The following SPIRE1 variants were observed in gnomAD, a reference collection of about 807,000 sequenced individuals.
The protein encoded by SPIRE1 is spire type actin nucleation factor 1.
A neutral mutation model predicts 94.1 loss-of-function variants in SPIRE1; 40 were observed. The ratio of observed to expected loss-of-function variants is 0.43; its 90% CI spans 0.33 to 0.55. The LOEUF is 0.55. Ranked by LOEUF, SPIRE1 falls within the 20% of genes least tolerant of loss-of-function variation. The pLI is 0.06. For missense variants in SPIRE1, 838 were observed against 975.2 expected (o/e 0.86, Z 1.87); for synonymous variants, 376 against 371.7 (o/e 1.01, Z -0.13).
intron 3 of SPIRE1, among the ~76,000 whole-genome samples, chr18:12,539,716 G>C (rs2034958078): frequency 6.6e-6 from 1 of 151,780 alleles, no homozygotes; most frequent in African/African-American, 2.4e-5. Context: ...CCTGAGGTCA[G>C]GAGTTTGAGA....
chr18:12,601,711 A>G (rs2036839431), intron 2 of SPIRE1, among the ~76,000 whole-genome samples: 2 of 152,160 alleles, frequency 1.3e-5, no homozygotes, highest in African/African-American at 2.4e-5. Flanking sequence ...GACATTTTAT[A>G]TAAATGAAAT....
intron 2 of SPIRE1, among the ~76,000 whole-genome samples, chr18:12,570,841 C>T (rs2035944251): frequency 6.6e-6 from 1 of 152,120 alleles, no homozygotes. Context: ...GAGGACTTCC[C>T]TTGTTCCACA....
intron 2 of SPIRE1, among the ~76,000 whole-genome samples, chr18:12,611,426 C>T (rs62097130): frequency 0.17 from 26,510 of 152,132 alleles, 2,403 homozygotes; most frequent in Admixed American, 0.25. Flanking sequence ...GGAGAAGAAG[C>T]CTATATAGTA....
chr18:12,483,462 G>C (rs1285549318), intron 9 of SPIRE1, among the ~76,000 whole-genome samples: 2 of 151,992 alleles, frequency 1.3e-5, no homozygotes, highest in Admixed American at 6.6e-5. Context: ...ATTTAGATAT[G>C]GCTTTAGAAA....
chr18:12,491,222 C>T (rs543422946), intron 8 of SPIRE1, among the ~76,000 whole-genome samples: 1 of 134,580 alleles, frequency 7.4e-6, no homozygotes, highest in East Asian at 2.1e-4. Flanking sequence ...GAATACTACC[C>T]AAAGCTATAT....
At chr18:12,529,447 G>C (rs190800438) in intron 4 of SPIRE1, among the ~76,000 whole-genome samples, 3 of 151,972 alleles carry the variant, frequency 2.0e-5, no homozygotes, top group African/African-American at 7.2e-5. Context: ...TTTCAGCTGA[G>C]GTATGAAGGG....
intron 9 of SPIRE1, among the ~76,000 whole-genome samples, chr18:12,482,939 CTTT>C (rs11373716): frequency 3.9e-5 from 5 of 128,862 alleles, no homozygotes; most frequent in Admixed American, 1.6e-4. Flanking sequence ...CTTAATTGCA[CTTT>C]TTTTTTTTTT....
intron 4 of SPIRE1, among the ~76,000 whole-genome samples, chr18:12,532,277 C>T (rs549687797): frequency 2.0e-4 from 30 of 152,260 alleles, no homozygotes; most frequent in South Asian, 8.3e-4. Context: ...TCAGTAAATG[C>T]ACTTAACACT....
intron 2 of SPIRE1, among the ~76,000 whole-genome samples, chr18:12,564,374 C>T (rs2144414340): frequency 6.6e-6 from 1 of 152,148 alleles, no homozygotes; most frequent in East Asian, 1.9e-4. Context: ...GAGTCAAACT[C>T]TAGAAGCCAT....
chr18:12,568,561 AT>A (rs1253893059), intron 2 of SPIRE1, among the ~76,000 whole-genome samples: 16 of 151,976 alleles, frequency 1.1e-4, no homozygotes, highest in African/African-American at 3.4e-4. Flanking sequence ...GAAAACAACT[AT>A]TTTTTTCTTC....
chr18:12,483,391 G>GC (rs1303405757), intron 9 of SPIRE1, among the ~76,000 whole-genome samples: 1 of 151,470 alleles, frequency 6.6e-6, no homozygotes, highest in East Asian at 1.9e-4. Flanking sequence ...ACATAAGATG[G>GC]CATTTCTTAA....
intron 9 of SPIRE1, among the ~76,000 whole-genome samples, chr18:12,485,079 A>G (rs1013831696): frequency 4.0e-5 from 6 of 150,912 alleles, no homozygotes; most frequent in Non-Finnish European, 8.8e-5. Flanking sequence ...AACCAAAGCC[A>G]TTACAATGCT....
chr18:12,583,786 G>A lies in SPIRE1; in HGVS notation c.373-36882C>T, dbSNP rs114965492. Among the ~76,000 whole-genome samples, 1,406 of 151,806 alleles carry A rather than the reference G, an allele frequency of 9.3e-3. 30 individuals are homozygous for A. Among genetic ancestry groups the A allele is most frequent in the African/African-American group, 0.033 (1,351 of 41,386 alleles). ...CAAAATACAAAAAAAAGTGCTGGGC[G>A]TGGTGGCACACACCTATAGTCCCTG... On this transcript the variant is annotated intron_variant, in intron 2 of 16. Coordinates refer to ENST00000409402, the MANE Select transcript of SPIRE1 (RefSeq NM_001128626.2).
chr18:12,602,674 C>T (rs2036870067), intron 2 of SPIRE1, among the ~76,000 whole-genome samples: 1 of 152,172 alleles, frequency 6.6e-6, no homozygotes, highest in Non-Finnish European at 1.5e-5. Flanking sequence ...CAGGAGGCTG[C>T]AACCCAGATA....
chr18:12,641,358 C>A (rs552699709), intron 1 of SPIRE1, among the ~76,000 whole-genome samples: 15 of 149,140 alleles, frequency 1.0e-4, no homozygotes, highest in Admixed American at 5.4e-4. Context: ...CTAATCATAC[C>A]CGAATTTCTT....
chr18:12,447,748 G>C lies in SPIRE1; in HGVS notation c.*1890C>G, dbSNP rs1044107433. The C allele has an allele frequency of 6.6e-6, 1 of 152,172 alleles. No homozygotes were observed. The allele number at this position is 152,172 out of a possible 1,614,324, so 9.4% of individuals were successfully genotyped here. On this transcript the variant is annotated 3_prime_UTR_variant, in exon 17 of 17. Transcript: ENST00000409402. ...TGTGAATGAAAGTCTTATTTTGGGG[G>C]TGTAGTTTCTTATGTTTTAATAAAA... is the stretch of plus-strand genomic sequence containing the variant.
intron 2 of SPIRE1, among the ~76,000 whole-genome samples, chr18:12,618,775 T>C (rs936901754): frequency 6.6e-6 from 1 of 152,256 alleles, no homozygotes; most frequent in Non-Finnish European, 1.5e-5. Context: ...ATAAGACTGT[T>C]ATTTAACATT....
At chr18:12,470,566 AG>A (rs897678716) in intron 10 of SPIRE1, among the ~76,000 whole-genome samples, 2 of 152,160 alleles carry the variant, frequency 1.3e-5, no homozygotes, top group Non-Finnish European at 2.9e-5. Flanking sequence ...GACACTCAGA[AG>A]GAGAGCCAGG....
chr18:12,557,188 G>A (rs934857012), intron 2 of SPIRE1, among the ~76,000 whole-genome samples: 7 of 152,208 alleles, frequency 4.6e-5, no homozygotes, highest in South Asian at 2.1e-4. Flanking sequence ...CGGTCGCCGC[G>A]GAGCAGGGGG....
Sources: allele counts gnomAD v4.1 joint callset (sites outside exome capture counted in the v4.1 genomes callset), GRCh38; gene constraint gnomAD v4.1.1; transcripts MANE v1.5; gene names NCBI Gene and HGNC (gene_info 2026-07-23, HGNC 2026-07-21).